Variants in ITGAL observed in about 807,000 individuals in gnomAD.
ITGAL encodes the protein integrin subunit alpha L, also known as integrin alpha-L.
In ITGAL, 68 loss-of-function variants were observed where a neutral mutation model predicts 138.4. That is an observed-to-expected ratio of 0.49 (90% CI 0.40 to 0.60). ITGAL has a LOEUF of 0.60. Ranked by LOEUF, ITGAL falls within the 20% of genes least tolerant of loss-of-function variation. ITGAL has a pLI of 0.00. For missense variants in ITGAL, 1,256 were observed against 1,478.6 expected (o/e 0.85, Z 2.47); for synonymous variants, 561 against 584.3 (o/e 0.96, Z 0.57).
At chr16:30,473,886 G>T in intron 1 of ITGAL, 1 of 521,800 alleles carries the variant, frequency 1.9e-6, no homozygotes. Context: ...CTGAGAACTT[G>T]GTCACCCTCT....
intron 28 of ITGAL, 139 bp downstream of exon 28, chr16:30,518,034 G>A (rs779601482): frequency 1.0e-5 from 7 of 686,746 alleles, no homozygotes; most frequent in Non-Finnish European, 1.8e-5. Flanking sequence ...CACAGTCACA[G>A]GTGAAAGAGA....
chr16:30,475,728 A>C, intron 4 of ITGAL, 148 bp downstream of exon 4: 1 of 471,788 alleles, frequency 2.1e-6, no homozygotes, highest in Non-Finnish European at 3.8e-6. Context: ...CCAATGATGA[A>C]CCAGCCTTTT....
At position 30,523,066 on chromosome 16, in the gene ITGAL, G is replaced by C. The variant is rs2151212802; in HGVS notation, c.*1401G>C. 6.6e-6 allele frequency: 1 copy of C among 152,500 alleles called. No homozygotes were observed. Among genetic ancestry groups the C allele is most frequent in the Admixed American group, 6.5e-5 (1 of 15,306 alleles). The allele number at this position is 152,500 out of a possible 1,614,324, so 9.4% of individuals were successfully genotyped here. On this transcript the variant is annotated 3_prime_UTR_variant, in exon 31 of 31. Coordinates refer to ENST00000356798, the MANE Select transcript of ITGAL (RefSeq NM_002209.3). The stretch of plus-strand genomic sequence containing the variant: ...CCCTCTCCCAGGACCCATCACGCCT[G>C]TGCAGTGGCCCCCACAGAAAGACTG...
intron 26 of ITGAL, 33 bp from the exon 27 acceptor site, chr16:30,517,616 G>A (rs1338627945): frequency 8.1e-6 from 13 of 1,596,192 alleles, no homozygotes; most frequent in South Asian, 3.3e-5. Context: ...GGGTTGGGGA[G>A]GCTCTAACTG....
At chr16:30,474,349 C>T in intron 2 of ITGAL, 51 bp downstream of exon 2, 4 of 1,365,420 alleles carry the variant, frequency 2.9e-6, no homozygotes, top group Non-Finnish European at 4.1e-6. Context: ...TGGGGCAGCC[C>T]CCGAGGCGGT....
intron 21 of ITGAL, 92 bp downstream of exon 21, chr16:30,506,948 C>T: frequency 7.0e-7 from 1 of 1,420,802 alleles, no homozygotes; most frequent in African/African-American, 1.4e-5. Flanking sequence ...AGCCTGAACA[C>T]ATGGGCAGCT....
At chr16:30,510,584 C>T in intron 22 of ITGAL, 113 bp downstream of exon 22, 1 of 693,774 alleles carries the variant, frequency 1.4e-6, no homozygotes. Context: ...AAGGGTGTAC[C>T]TTGCCCCTAC....
At position 30,481,143 on chromosome 16, in the gene ITGAL, A is replaced by AACACACAC. The variant is rs60456127; in HGVS notation, c.577-263_577-256dup. On this transcript the variant is annotated intron_variant, in intron 6 of 30. Transcript: ENST00000356798. ...ATGGTGAAACACCGTCTCTACTAAAAACACACACACACACACACACACACA... is the reference window on the plus strand; with the variant it reads ...ATGGTGAAACACCGTCTCTACTAAAAACACACACACACACACACACACACACACACACA... 7.5e-3 allele frequency: 1,627 copies of AACACACAC among 216,026 alleles called. 27 individuals carry two copies. Among genetic ancestry groups the AACACACAC allele is most frequent in the African/African-American group, 0.032 (1,166 of 35,968 alleles). The allele number at this position is 216,026 out of a possible 1,614,324, so 13.4% of individuals were successfully genotyped here. A position where few individuals can be genotyped will look rare whatever the true frequency, so the allele number is the denominator to read the frequency against.
chr16:30,521,671 G>A lies in ITGAL; in HGVS notation c.*6G>A. On this transcript the variant is annotated 3_prime_UTR_variant, in exon 31 of 31. Coordinates refer to ENST00000356798, the MANE Select transcript of ITGAL (RefSeq NM_002209.3). ...GTGGTGGTGGCAAGGACTGAGTCCA[G>A]GCCTGTGAGGTGCAGAGTGCCCAGA... The A allele has an allele frequency of 1.2e-6, 2 of 1,612,996 alleles. No individual in the cohort carries two copies. The highest frequency in any genetic ancestry group is 1.3e-5 in the African/African-American group (1 of 75,016).
chr16:30,517,178 C>T (rs953297923), intron 26 of ITGAL, 92 bp downstream of exon 26: 23 of 843,494 alleles, frequency 2.7e-5, no homozygotes, highest in Admixed American at 7.1e-5. Context: ...TGGCCAGGTG[C>T]GGTGGCTCTG....
At chr16:30,483,499 T>C (rs2050588640) in intron 7 of ITGAL, among the ~76,000 whole-genome samples, 1 of 152,170 alleles carries the variant, frequency 6.6e-6, no homozygotes, top group Admixed American at 6.6e-5. Flanking sequence ...TCAATATCTG[T>C]AGCTGATTAA....
chr16:30,489,207 G>T lies in ITGAL; in HGVS notation c.1081-47G>T, dbSNP rs368799598. ...TGCAGGGAGTGCAGTTGGCTCTGGG[G>T]GGTGGGTCGGTGGGTAGCTGACCCG... On this transcript the variant is annotated intron_variant, in intron 10 of 30. Coordinates refer to ENST00000356798, the MANE Select transcript of ITGAL (RefSeq NM_002209.3). 225 of 1,613,988 alleles carry T rather than the reference G, an allele frequency of 1.4e-4. No homozygotes were observed. In the African/African-American group the frequency reaches 2.7e-3, roughly 20 times the overall value.
chr16:30,481,275 G>A (rs1291537103), intron 6 of ITGAL, 164 bp from the exon 7 acceptor site: 2 of 578,956 alleles, frequency 3.5e-6, no homozygotes, highest in Non-Finnish European at 6.0e-6. Context: ...GAACCCGGGA[G>A]GCAGAGGTTG....
intron 17 of ITGAL, among the ~76,000 whole-genome samples, chr16:30,503,122 A>G (rs2050930598): frequency 6.6e-6 from 1 of 152,076 alleles, no homozygotes; most frequent in Admixed American, 6.6e-5. Flanking sequence ...GCCTGTTTTA[A>G]ACTTTTTATT....
At chr16:30,486,687 C>T (rs546931507) in intron 9 of ITGAL, among the ~76,000 whole-genome samples, 1 of 151,968 alleles carries the variant, frequency 6.6e-6, no homozygotes, top group African/African-American at 2.4e-5. Context: ...GTGACCGAAG[C>T]GCAGTGAGGA....
intron 11 of ITGAL, among the ~76,000 whole-genome samples, chr16:30,493,879 G>A (rs921726178): frequency 6.6e-6 from 1 of 152,102 alleles, no homozygotes; most frequent in South Asian, 2.1e-4. Context: ...GCAAGAGAGC[G>A]AGACTCTGTC....
chr16:30,478,697 CAAAAAA>C (rs59193580), intron 4 of ITGAL, among the ~76,000 whole-genome samples: 3 of 106,648 alleles, frequency 2.8e-5, no homozygotes, highest in Non-Finnish European at 5.4e-5. Context: ...GACTCCATCT[CAAAAAA>C]AAAAAAAAAA....
At chr16:30,517,537 CAG>C (rs1394565979) in intron 26 of ITGAL, 110 bp from the exon 27 acceptor site, 7 of 835,666 alleles carry the variant, frequency 8.4e-6, no homozygotes, top group South Asian at 1.4e-5. Context: ...CTGCTGGACT[CAG>C]AGATGTCTGA....
intron 25 of ITGAL, 129 bp from the exon 26 acceptor site, chr16:30,516,844 C>T: frequency 1.4e-6 from 1 of 735,010 alleles, no homozygotes; most frequent in Non-Finnish European, 2.5e-6. Flanking sequence ...CTGGACACTG[C>T]CTAACCGACA....
Sources: gnomAD v4.1 joint callset for allele counts (sites outside exome capture counted in the v4.1 genomes callset) on GRCh38, gnomAD v4.1.1 for gene constraint, MANE v1.5 for transcripts, NCBI Gene and HGNC (gene_info 2026-07-23, HGNC 2026-07-21) for gene names.